Variants in CCSER1 observed in about 807,000 individuals in gnomAD.
The protein encoded by CCSER1 is coiled-coil serine rich protein 1.
Under a neutral mutation model 82.0 loss-of-function variants are expected in CCSER1, and 41 were observed. The observed-to-expected ratio is 0.50, with a 90% CI of 0.39 to 0.65. The LOEUF (loss-of-function observed/expected upper bound fraction) is 0.65. Ranked by LOEUF, CCSER1 falls within the 30% of genes least tolerant of loss-of-function variation. The probability of loss-of-function intolerance (pLI) is 0.00; values close to 1 mark genes in which losing one functional copy is unlikely to be tolerated. For missense variants in CCSER1, 1,119 were observed against 1,064.2 expected, an observed-to-expected ratio of 1.05 and a Z score of -0.72; for synonymous variants, 414 against 383.9, an observed-to-expected ratio of 1.08 and a Z score of -0.92.
intron 6 of CCSER1, among the ~76,000 whole-genome samples, chr4:90,641,098 C>G (rs1256706574): frequency 2.6e-5 from 4 of 151,972 alleles, no homozygotes; most frequent in East Asian, 1.9e-4. Context: ...TAAGTTTTCC[C>G]TGGTGTTTTT....
chr4:90,521,821 C>T (rs1421906237), intron 5 of CCSER1, among the ~76,000 whole-genome samples: 1 of 152,012 alleles, frequency 6.6e-6, no homozygotes, highest in Non-Finnish European at 1.5e-5. Context: ...AAACAGGGGA[C>T]ATTAATATAA....
intron 10 of CCSER1, among the ~76,000 whole-genome samples, chr4:91,511,580 G>A (rs868014902): frequency 3.3e-5 from 5 of 152,246 alleles, no homozygotes; most frequent in African/African-American, 4.8e-5. Context: ...CAGCCACTAC[G>A]CATCACTCAT....
Position 90,815,860 on chromosome 4 carries a change from T to C in CCSER1, c.2094+15T>C. The C allele has an allele frequency of 6.5e-7, 1 of 1,538,894 alleles. No individual in the cohort carries two copies. The highest frequency in any genetic ancestry group is 8.8e-7 in the Non-Finnish European group (1 of 1,135,840). On this transcript the variant is annotated intron_variant, in intron 8 of 10. Transcript: ENST00000509176. ...AGGAAGAGCTGGTAAGTGATAACAA[T>C]GCTTGGCCCACGAGTGTACTTTACT... is the stretch of plus-strand genomic sequence containing the variant.
intron 1 of CCSER1, among the ~76,000 whole-genome samples, chr4:90,160,008 A>G (rs1228912713): frequency 2.0e-5 from 3 of 152,218 alleles, no homozygotes; most frequent in Non-Finnish European, 4.4e-5. Flanking sequence ...TTTAATAATC[A>G]TCCTATTAGG....
intron 8 of CCSER1, among the ~76,000 whole-genome samples, chr4:90,862,750 A>G (rs1291154377): frequency 6.6e-6 from 1 of 151,774 alleles, no homozygotes; most frequent in Non-Finnish European, 1.5e-5. Flanking sequence ...AAACGCTACT[A>G]CTACTCAGCA....
intron 8 of CCSER1, among the ~76,000 whole-genome samples, chr4:90,919,089 TAAAA>T (rs71596538): frequency 0.08 from 6,982 of 87,048 alleles, 414 homozygotes; most frequent in African/African-American, 0.22. Flanking sequence ...GTTTCCACAG[TAAAA>T]AAAAAAAAAA....
chr4:90,556,840 GTATATC>G (rs1778197904), intron 5 of CCSER1, among the ~76,000 whole-genome samples: 1 of 145,746 alleles, frequency 6.9e-6, no homozygotes, highest in Non-Finnish European at 1.5e-5. Context: ...AGGAACAACT[GTATATC>G]TATATGTGTA....
chr4:90,207,054 C>G (rs1475720284), intron 1 of CCSER1, among the ~76,000 whole-genome samples: 1 of 151,766 alleles, frequency 6.6e-6, no homozygotes, highest in Non-Finnish European at 1.5e-5. Context: ...ATTCCTCCAT[C>G]CCTTTATTTT....
chr4:91,461,087 A>G (rs1756475117), intron 10 of CCSER1, among the ~76,000 whole-genome samples: 1 of 152,154 alleles, frequency 6.6e-6, no homozygotes, highest in Non-Finnish European at 1.5e-5. Context: ...TTCTCTCACT[A>G]TCTAGATGGT....
At chr4:90,317,818 G>T (rs1736448360) in intron 3 of CCSER1, among the ~76,000 whole-genome samples, 1 of 152,236 alleles carries the variant, frequency 6.6e-6, no homozygotes, top group African/African-American at 2.4e-5. Context: ...ATGGCAAAAA[G>T]AAAGAGATCT....
At chr4:90,942,150 A>G (rs1312917700) in intron 9 of CCSER1, among the ~76,000 whole-genome samples, 4 of 152,114 alleles carry the variant, frequency 2.6e-5, no homozygotes, top group African/African-American at 9.6e-5. Context: ...GGGTTTCACC[A>G]TGTTGCCCAG....
chr4:90,633,425 A>G (rs1284135602), intron 6 of CCSER1, among the ~76,000 whole-genome samples: 1 of 152,018 alleles, frequency 6.6e-6, no homozygotes, highest in Non-Finnish European at 1.5e-5. Flanking sequence ...AAGTCTATCA[A>G]TGGTAGATAT....
chr4:91,039,288 C>T (rs1384659378), intron 9 of CCSER1, among the ~76,000 whole-genome samples: 3 of 151,966 alleles, frequency 2.0e-5, no homozygotes, highest in African/African-American at 7.3e-5. Flanking sequence ...AGTGATCCTC[C>T]CACCTCTGCC....
Position 90,560,419 on chromosome 4 carries a change from A to G in CCSER1, c.1725-67606A>G, listed in dbSNP as rs192973225. Among the ~76,000 whole-genome samples the G allele has an allele frequency of 2.4e-3, 367 of 152,258 alleles. 2 individuals are homozygous for G. Among genetic ancestry groups the G allele is most frequent in the African/African-American group, 8.5e-3 (354 of 41,552 alleles). ...CCTGTCAATACTCAGTCTGGACTGT[A>G]TAATTTTACCGGTTGGCTCCAAAAT... On this transcript the variant is annotated intron_variant, in intron 5 of 10. Transcript: ENST00000509176.
chr4:90,217,868 T>C (rs1333060446), intron 1 of CCSER1, among the ~76,000 whole-genome samples: 1 of 152,122 alleles, frequency 6.6e-6, no homozygotes, highest in Non-Finnish European at 1.5e-5. Context: ...TGATCATGGC[T>C]CAGTGCAGCC....
chr4:90,441,464 T>A (rs991640689), intron 4 of CCSER1, among the ~76,000 whole-genome samples: 1 of 151,956 alleles, frequency 6.6e-6, no homozygotes, highest in Admixed American at 6.6e-5. Flanking sequence ...GAAAGAACAA[T>A]CTCTCTGGGG....
At chr4:90,513,608 C>G (rs1771854198) in intron 5 of CCSER1, among the ~76,000 whole-genome samples, 1 of 152,076 alleles carries the variant, frequency 6.6e-6, no homozygotes. Flanking sequence ...TTGATTGATT[C>G]AGAGAAGCTG....
Position 91,191,072 on chromosome 4 carries a change from T to C in CCSER1, c.2217+105078T>C, listed in dbSNP as rs540919983. Among the ~76,000 whole-genome samples, 7 of 152,312 alleles carry C rather than the reference T, an allele frequency of 4.6e-5. No individual in the cohort carries two copies. In the South Asian group the frequency reaches 1.2e-3, roughly 27 times the overall value. ...TGGATAGTATGTAATGTCTAATACT[T>C]AATAGTATTGTTTGATGAATAAATG... On this transcript the variant is annotated intron_variant, in intron 10 of 10. Transcript: ENST00000509176.
chr4:90,711,980 G>A (rs1339451746), intron 6 of CCSER1, among the ~76,000 whole-genome samples: 1 of 151,782 alleles, frequency 6.6e-6, no homozygotes, highest in African/African-American at 2.4e-5. Flanking sequence ...TTGTATTTCT[G>A]TTGGGTCAGT....
Sources: gnomAD v4.1 joint callset for allele counts (sites outside exome capture counted in the v4.1 genomes callset) on GRCh38, gnomAD v4.1.1 for gene constraint, MANE v1.5 for transcripts, NCBI Gene and HGNC (gene_info 2026-07-23, HGNC 2026-07-21) for gene names.